The following VPS37A variants were observed in gnomAD, a reference collection of about 807,000 sequenced individuals.
The protein encoded by VPS37A is vacuolar protein sorting-associated protein 37A.
In VPS37A, 30 loss-of-function variants were observed where a neutral mutation model predicts 49.8. The observed-to-expected ratio is 0.60, with a 90% confidence interval of 0.45 to 0.82. The LOEUF is 0.82. VPS37A is among the 40% of genes least tolerant of loss of function. VPS37A has a pLI of 0.00. For missense variants in VPS37A, 593 were observed against 464.4 expected (o/e 1.28, Z -2.55); for synonymous variants, 195 against 160.6 (o/e 1.21, Z -1.62).
intron 6 of VPS37A, among the ~76,000 whole-genome samples, chr8:17,277,861 TACACACACACACACACAC>T (rs67718316): frequency 3.5e-5 from 5 of 140,992 alleles, no homozygotes; most frequent in East Asian, 4.2e-4. Flanking sequence ...TTCTCTTTTA[TACACACACACACACACAC>T]ACACACACAC....
chr8:17,270,991 G>C (rs532784924), intron 4 of VPS37A, among the ~76,000 whole-genome samples: 4 of 152,264 alleles, frequency 2.6e-5, no homozygotes. Flanking sequence ...CAAGCCTCGG[G>C]TAACCACTAT....
At chr8:17,275,491 A>G (rs1229496467) in intron 5 of VPS37A, among the ~76,000 whole-genome samples, 1 of 152,186 alleles carries the variant, frequency 6.6e-6, no homozygotes, top group Non-Finnish European at 1.5e-5. Flanking sequence ...AGCTGCCTAT[A>G]GTAGATCTCT....
the VPS37A span, chr8:17,311,774 GCC>G: frequency 1.5e-6 from 2 of 1,363,986 alleles, no homozygotes; most frequent in Non-Finnish European, 1.0e-6. Flanking sequence ...TCTGTTTAGG[GCC>G]CCCCCTAATT....
At chr8:17,311,702 C>G in the VPS37A span, 8 of 1,607,510 alleles carry the variant, frequency 5.0e-6, no homozygotes, top group Non-Finnish European at 6.8e-6. Context: ...CCTCTCATCA[C>G]AGCCAGGTTT....
rs764346176 is a variant in VPS37A, at chr8:17,247,294, G to A, written c.50G>A (p.Gly17Glu). ...LTKSASSSAA[G>E]SPGGLTSLQQ... ...AAGAGCGCCTCCTCCTCCGCGGCTG[G>A]GTCCCCCGGTGGCCTCACCAGCCTC... The change falls in exon 1 of 12, where the codon GGG becomes GAG. Residue 17 changes from glycine (G) to glutamate (E), a missense_variant. Transcript: ENST00000324849. 3 of 1,565,370 alleles carry A rather than the reference G, an allele frequency of 1.9e-6. No homozygotes were observed. The highest frequency in any genetic ancestry group is 2.6e-6 in the Non-Finnish European group (3 of 1,155,082).
At chr8:17,304,467 C>T (rs779340824), downstream of VPS37A, 23 of 1,613,844 alleles carry the variant, frequency 1.4e-5, no homozygotes, top group Admixed American at 3.3e-5. Flanking sequence ...TTCAGGTAGT[C>T]GGCCCGATTC....
intron 1 of VPS37A, among the ~76,000 whole-genome samples, chr8:17,259,142 C>G (rs1812748332): frequency 6.6e-6 from 1 of 151,934 alleles, no homozygotes; most frequent in African/African-American, 2.4e-5. Flanking sequence ...TGGTTCTTCT[C>G]TAGTTCATCA....
intron 6 of VPS37A, among the ~76,000 whole-genome samples, chr8:17,277,777 C>T (rs964281663): frequency 6.6e-6 from 1 of 150,716 alleles, no homozygotes; most frequent in Non-Finnish European, 1.5e-5. Context: ...GGATTCAAAA[C>T]GAGTTCCACC....
downstream of VPS37A, among the ~76,000 whole-genome samples, chr8:17,307,211 A>T (rs968387762): frequency 6.6e-6 from 1 of 152,192 alleles, no homozygotes; most frequent in African/African-American, 2.4e-5. Context: ...CAACCCCATC[A>T]AAAAGTGGGC....
At chr8:17,321,767 G>T in the VPS37A span, among the ~76,000 whole-genome samples, 1 of 152,158 alleles carries the variant, frequency 6.6e-6, no homozygotes, top group South Asian at 2.1e-4. Context: ...AGAGAATGGG[G>T]CTTACTAATC....
chr8:17,284,222 C>A (rs1815373323), intron 9 of VPS37A, among the ~76,000 whole-genome samples: 1 of 152,168 alleles, frequency 6.6e-6, no homozygotes, highest in Non-Finnish European at 1.5e-5. Context: ...TAGGAGAGAA[C>A]AATGATTTTC....
At chr8:17,300,326 G>GTTAA, downstream of VPS37A, 1 of 1,260,130 alleles carries the variant, frequency 7.9e-7, no homozygotes, top group South Asian at 1.6e-5. Flanking sequence ...TGGGTATAAT[G>GTTAA]TTAAGAACAT....
chr8:17,321,245 G>T, the VPS37A span, among the ~76,000 whole-genome samples: 1 of 152,342 alleles, frequency 6.6e-6, no homozygotes, highest in East Asian at 1.9e-4. Context: ...TGTGCCAAAA[G>T]CAAGAGAGGA....
At chr8:17,294,122 C>T (rs117541783) in intron 11 of VPS37A, among the ~76,000 whole-genome samples, 12,043 of 152,300 alleles carry the variant, frequency 0.079, 633 homozygotes, top group South Asian at 0.19. Context: ...TGACTGGGGC[C>T]TCTGCCTTTC....
intron 1 of VPS37A, among the ~76,000 whole-genome samples, chr8:17,264,099 T>C (rs1813221201): frequency 6.6e-6 from 1 of 152,182 alleles, no homozygotes; most frequent in Non-Finnish European, 1.5e-5. Flanking sequence ...ATCTAACAAA[T>C]CTTTTAGGTG....
chr8:17,253,916 C>G (rs1243501369), intron 1 of VPS37A, among the ~76,000 whole-genome samples: 2 of 152,142 alleles, frequency 1.3e-5, no homozygotes, highest in African/African-American at 4.8e-5. Flanking sequence ...AACACTGAAC[C>G]ATTTTTGGAG....
intron 1 of VPS37A, among the ~76,000 whole-genome samples, chr8:17,263,139 C>G (rs1027713575): frequency 6.6e-6 from 1 of 151,212 alleles, no homozygotes; most frequent in South Asian, 2.1e-4. Flanking sequence ...AAAAGAGTAA[C>G]TTACAAAATT....
At chr8:17,258,266 A>G (rs911651047) in intron 1 of VPS37A, among the ~76,000 whole-genome samples, 2 of 152,142 alleles carry the variant, frequency 1.3e-5, no homozygotes, top group South Asian at 2.1e-4. Flanking sequence ...CACATTCACT[A>G]TAATGTCAAC....
chr8:17,263,961 T>G (rs1427111616), intron 1 of VPS37A, among the ~76,000 whole-genome samples: 8 of 152,084 alleles, frequency 5.3e-5, no homozygotes, highest in Non-Finnish European at 1.2e-4. Context: ...ACAAAAAACT[T>G]TAATACTATA....
Sources: allele counts gnomAD v4.1 joint callset (sites outside exome capture counted in the v4.1 genomes callset), GRCh38; gene constraint gnomAD v4.1.1; transcripts MANE v1.5; gene names NCBI Gene and HGNC (gene_info 2026-07-23, HGNC 2026-07-21).